CLIC6: variants seen among roughly 807,000 people sequenced by gnomAD.
CLIC6 encodes CLIC family member 6, also known as chloride intracellular channel protein 6.
A neutral mutation model predicts 49.2 loss-of-function variants in CLIC6; 39 were observed. That is an observed-to-expected ratio of 0.79 (90% CI 0.61 to 1.04). The LOEUF is 1.04. Ranked by LOEUF, CLIC6 falls within the 50% of genes least tolerant of loss-of-function variation. The pLI is 0.00. For missense variants in CLIC6, 988 were observed against 993.1 expected, an observed-to-expected ratio of 0.99 and a Z score of 0.07; for synonymous variants, 446 against 433.4, an observed-to-expected ratio of 1.03 and a Z score of -0.36.
intron 1 of CLIC6, among the ~76,000 whole-genome samples, chr21:34,693,308 T>C (rs1048933886): frequency 6.6e-6 from 1 of 152,188 alleles, no homozygotes; most frequent in African/African-American, 2.4e-5. Flanking sequence ...GAAATCTAGA[T>C]GGTTTAGTCC....
rs13049028 is a variant in CLIC6, at chr21:34,670,280, C to G, written c.892C>G (p.Gln298Glu). ...RARRVSGEPQ[Q>E]SGDGSLSPQA... ...GCGCCGGGTCTCGGGTGAGCCGCAGCAATCGGGGGACGGCAGCCTCTCGCC... is the reference window on the plus strand; with the variant it reads ...GCGCCGGGTCTCGGGTGAGCCGCAGGAATCGGGGGACGGCAGCCTCTCGCC... Residue 298 changes from glutamine (Q) to glutamate (E), a missense_variant, in exon 1 of 6, where the codon CAA (glutamine) becomes GAA (glutamate). Transcript: ENST00000349499. The G allele has an allele frequency of 0.22, 323,471 of 1,439,020 alleles. 37,282 individuals are homozygous for G. The highest frequency in any genetic ancestry group is 0.25 in the South Asian group (16,850 of 68,446). 89.1% of individuals were successfully genotyped at this position (1,439,020 alleles called of 1,614,324 possible). A position where few individuals can be genotyped will look rare whatever the true frequency, so the allele number is the denominator to read the frequency against.
At chr21:34,686,911 C>T (rs1989892593) in intron 1 of CLIC6, among the ~76,000 whole-genome samples, 1 of 152,218 alleles carries the variant, frequency 6.6e-6, no homozygotes, top group African/African-American at 2.4e-5. Flanking sequence ...AGCCCATCTG[C>T]CAGCTGAACA....
chr21:34,671,782 A>G (rs918417687), intron 1 of CLIC6, among the ~76,000 whole-genome samples: 7 of 152,342 alleles, frequency 4.6e-5, no homozygotes, highest in African/African-American at 1.7e-4. Flanking sequence ...ACATTTTAAT[A>G]AGTAAAAGGA....
intron 1 of CLIC6, among the ~76,000 whole-genome samples, chr21:34,687,209 G>T (rs915426234): frequency 6.6e-6 from 1 of 152,120 alleles, no homozygotes; most frequent in African/African-American, 2.4e-5. Flanking sequence ...GGAAAGGAAG[G>T]AGGCTCCATG....
chr21:34,708,807 G>A lies in CLIC6; in HGVS notation c.1717+1G>A. Reference sequence around the variant, plus strand: ...AACACGAAGAAGGATGCAAATGAGAGTGAGTACCTCCCATCCTCCTGTTTT... The same window carrying A: ...AACACGAAGAAGGATGCAAATGAGAATGAGTACCTCCCATCCTCCTGTTTT... On this transcript the variant is annotated splice_donor_variant, in intron 4 of 5. Coordinates refer to ENST00000349499, the MANE Select transcript of CLIC6 (RefSeq NM_053277.3). LOFTEE classifies it high-confidence loss of function. 1 of 1,600,128 alleles carries A rather than the reference G, an allele frequency of 6.2e-7. No homozygotes were observed. The highest frequency in any genetic ancestry group is 8.6e-7 in the Non-Finnish European group (1 of 1,167,278).
At position 34,716,739 on chromosome 21, in the gene CLIC6, AAAG is replaced by A. The variant is rs2056087464; in HGVS notation, c.*261_*263del. On this transcript the variant is annotated 3_prime_UTR_variant, in exon 6 of 6. Coordinates refer to ENST00000349499, the MANE Select transcript of CLIC6 (RefSeq NM_053277.3). ...ATTTTAAAGCAATATCAGAGGGTGT[AAAG>A]AAGGACATTTTAACAATCGCCTTCA... 2 of 269,004 alleles carry A rather than the reference AAAG, an allele frequency of 7.4e-6. No individual in the cohort carries two copies. The highest frequency in any genetic ancestry group is 7.0e-6 in the Non-Finnish European group (1 of 143,686). The allele number at this position is 269,004 out of a possible 1,614,324, so 16.7% of individuals were successfully genotyped here. A position where few individuals can be genotyped will look rare whatever the true frequency, so the allele number is the denominator to read the frequency against.
chr21:34,706,084 G>C, intron 1 of CLIC6: 1 of 681,210 alleles, frequency 1.5e-6, no homozygotes, highest in Admixed American at 2.1e-5. Flanking sequence ...CCTGAGAGTG[G>C]GTAATTTATA....
chr21:34,693,383 G>T (rs988797647), intron 1 of CLIC6, among the ~76,000 whole-genome samples: 2 of 152,214 alleles, frequency 1.3e-5, no homozygotes, highest in African/African-American at 2.4e-5. Flanking sequence ...AATGGAGACC[G>T]TAAAAGGGAA....
At chr21:34,681,506 A>G (rs1422267786) in intron 1 of CLIC6, among the ~76,000 whole-genome samples, 1 of 152,152 alleles carries the variant, frequency 6.6e-6, no homozygotes, top group Non-Finnish European at 1.5e-5. Flanking sequence ...TGGTTTCATC[A>G]GAAGGATTGA....
chr21:34,677,792 A>G (rs942728579), intron 1 of CLIC6, among the ~76,000 whole-genome samples: 1 of 152,032 alleles, frequency 6.6e-6, no homozygotes, highest in African/African-American at 2.4e-5. Context: ...CAGGCCTTTT[A>G]CAAGCACAAG....
At chr21:34,681,383 T>G (rs1989778017) in intron 1 of CLIC6, among the ~76,000 whole-genome samples, 1 of 152,184 alleles carries the variant, frequency 6.6e-6, no homozygotes, top group Non-Finnish European at 1.5e-5. Context: ...GAGATTTAGG[T>G]GGGAACACAG....
rs1555880189 is a variant in CLIC6 at position 34,716,862 on chromosome 21, T to TATCA, written c.*380_*381insATCA. On this transcript the variant is annotated 3_prime_UTR_variant, in exon 6 of 6. Coordinates refer to ENST00000349499, the MANE Select transcript of CLIC6 (RefSeq NM_053277.3). ...CTCTCTCTCTCTCTCTCTCTCTCTA[T>TATCA]CACACACACACACACACACACACAC... The TATCA allele has an allele frequency of 7.6e-6, 1 of 131,634 alleles. No individual in the cohort carries two copies. The highest frequency in any genetic ancestry group is 1.5e-5 in the Non-Finnish European group (1 of 64,978). 8.2% of individuals were successfully genotyped at this position (131,634 alleles called of 1,614,324 possible). A position where few individuals can be genotyped will look rare whatever the true frequency, so the allele number is the denominator to read the frequency against.
At chr21:34,695,166 C>T (rs1431221473) in intron 1 of CLIC6, among the ~76,000 whole-genome samples, 1 of 152,184 alleles carries the variant, frequency 6.6e-6, no homozygotes, top group African/African-American at 2.4e-5. Flanking sequence ...AGGAGATAAT[C>T]CAGGTCCTCA....
chr21:34,686,603 A>G (rs1989883987), intron 1 of CLIC6, among the ~76,000 whole-genome samples: 1 of 152,152 alleles, frequency 6.6e-6, no homozygotes, highest in Non-Finnish European at 1.5e-5. Flanking sequence ...AGTGGACGTG[A>G]TGCTGGGTGA....
At chr21:34,699,417 T>A (rs7281671) in intron 1 of CLIC6, among the ~76,000 whole-genome samples, 697 of 55,952 alleles carry the variant, frequency 0.012, 4 homozygotes, top group African/African-American at 0.051. Context: ...ATACCTGGCT[T>A]TTTTTTTTTT....
At position 34,682,079 on chromosome 21, in the gene CLIC6, TG is replaced by T. The variant is rs1278322687; in HGVS notation, c.1374+11318del. On this transcript the variant is annotated intron_variant, in intron 1 of 5. Coordinates refer to ENST00000349499, the MANE Select transcript of CLIC6 (RefSeq NM_053277.3). ...CTATAATCATTTTCTTGTAGGTAGT[TG>T]TTTAGGTAGCTTCCTCTTTTTGATA... Among the ~76,000 whole-genome samples, 33 of 152,346 alleles carry T rather than the reference TG, an allele frequency of 2.2e-4. 1 individual carries two copies. Among genetic ancestry groups the T allele is most frequent in the African/African-American group, 6.7e-4 (28 of 41,582 alleles).
At chr21:34,697,354 T>G (rs1199948032) in intron 1 of CLIC6, among the ~76,000 whole-genome samples, 1 of 152,168 alleles carries the variant, frequency 6.6e-6, no homozygotes, top group Non-Finnish European at 1.5e-5. Flanking sequence ...AGGCTTGTCT[T>G]AAATTCTCAT....
At chr21:34,712,004 GA>G (rs2056059756) in intron 5 of CLIC6, among the ~76,000 whole-genome samples, 1 of 152,196 alleles carries the variant, frequency 6.6e-6, no homozygotes, top group African/African-American at 2.4e-5. Context: ...ACTTGAAGAA[GA>G]GGGGGAGAAA....
At chr21:34,674,389 G>A (rs1601258372) in intron 1 of CLIC6, among the ~76,000 whole-genome samples, 1 of 152,176 alleles carries the variant, frequency 6.6e-6, no homozygotes, top group Non-Finnish European at 1.5e-5. Context: ...ACCATGCCTG[G>A]CCTCTCTTCC....
Sources: allele counts gnomAD v4.1 joint callset (sites outside exome capture counted in the v4.1 genomes callset), GRCh38; gene constraint gnomAD v4.1.1; transcripts MANE v1.5; gene names NCBI Gene and HGNC (gene_info 2026-07-23, HGNC 2026-07-21).